POT1: variants seen among roughly 807,000 people sequenced by gnomAD.
POT1 encodes protection of telomeres protein 1.
In POT1, 47 loss-of-function variants were observed where a neutral mutation model predicts 78.5. The ratio of observed to expected loss-of-function variants is 0.60; its 90% confidence interval spans 0.47 to 0.76. The LOEUF (loss-of-function observed/expected upper bound fraction) is 0.76. Ranked by LOEUF, POT1 falls within the 30% of genes least tolerant of loss-of-function variation. POT1 has a pLI of 0.00. For missense variants in POT1, 646 were observed against 749.9 expected (o/e 0.86, Z 1.62); for synonymous variants, 259 against 260.7 (o/e 0.99, Z 0.06).
At chr7:124,864,717 T>C (rs1795679338) in intron 7 of POT1, among the ~76,000 whole-genome samples, 1 of 152,198 alleles carries the variant, frequency 6.6e-6, no homozygotes, top group African/African-American at 2.4e-5. Flanking sequence ...ATCTTTTCAA[T>C]GGTAGAATTC....
At chr7:124,836,290 C>T (rs1404538229) in intron 14 of POT1, among the ~76,000 whole-genome samples, 2 of 152,170 alleles carry the variant, frequency 1.3e-5, no homozygotes, top group Non-Finnish European at 2.9e-5. Context: ...TTGGCAAGAA[C>T]GGTGAGCTCT....
At chr7:124,852,908 A>G in intron 10 of POT1, 64 bp downstream of exon 10, 1 of 1,450,372 alleles carries the variant, frequency 6.9e-7, no homozygotes, top group South Asian at 1.3e-5. Context: ...CCCAGGAACA[A>G]TATTATCTTA....
rs186191424 is a variant in POT1, at chr7:124,905,709, A to C, written c.-153-7335T>G. Among the ~76,000 whole-genome samples the C allele has an allele frequency of 5.3e-4, 80 of 152,286 alleles. 1 individual carries two copies. Among genetic ancestry groups the C allele is most frequent in the Middle Eastern group, 3.4e-3 (1 of 294 alleles). On this transcript the variant is annotated intron_variant, in intron 3 of 18. Coordinates refer to ENST00000357628, the MANE Select transcript of POT1 (RefSeq NM_015450.3). ...TCAGAGTCAACAGGCCACCTACAGAATGGGAGAATATTTTTGCAATCTACT... is the reference window on the plus strand; with the variant it reads ...TCAGAGTCAACAGGCCACCTACAGACTGGGAGAATATTTTTGCAATCTACT...
At chr7:124,873,856 G>T (rs1303599188) in intron 6 of POT1, among the ~76,000 whole-genome samples, 1 of 152,024 alleles carries the variant, frequency 6.6e-6, no homozygotes, top group Non-Finnish European at 1.5e-5. Flanking sequence ...CAGGAAAATG[G>T]AAGGTAAGTG....
chr7:124,839,392 G>A (rs1281567819), intron 14 of POT1, among the ~76,000 whole-genome samples: 1 of 152,128 alleles, frequency 6.6e-6, no homozygotes, highest in Non-Finnish European at 1.5e-5. Flanking sequence ...GTAAACTATG[G>A]TCACAATAAA....
At chr7:124,903,702 C>CA (rs1006885761) in intron 3 of POT1, among the ~76,000 whole-genome samples, 2 of 151,930 alleles carry the variant, frequency 1.3e-5, no homozygotes, top group Admixed American at 6.6e-5. Flanking sequence ...GATAGAGACA[C>CA]AAAAAACCCT....
At chr7:124,900,314 A>C (rs1373645881) in intron 3 of POT1, among the ~76,000 whole-genome samples, 1 of 152,082 alleles carries the variant, frequency 6.6e-6, no homozygotes, top group Non-Finnish European at 1.5e-5. Context: ...TCCCATCTGT[A>C]CATATCTGAC....
At chr7:124,875,301 T>C (rs960133463) in intron 6 of POT1, among the ~76,000 whole-genome samples, 8 of 152,142 alleles carry the variant, frequency 5.3e-5, no homozygotes, top group Non-Finnish European at 1.2e-4. Flanking sequence ...ATTTCATCAC[T>C]ATGCATTAAT....
At chr7:124,903,417 A>T (rs1390657854) in intron 3 of POT1, among the ~76,000 whole-genome samples, 1 of 152,226 alleles carries the variant, frequency 6.6e-6, no homozygotes, top group African/African-American at 2.4e-5. Context: ...CTGCTCCTGA[A>T]TGGACTACTG....
chr7:124,882,523 TATA>T (rs1796143258), intron 6 of POT1, among the ~76,000 whole-genome samples: 1 of 152,040 alleles, frequency 6.6e-6, no homozygotes, highest in African/African-American at 2.4e-5. Context: ...TATGTTATGA[TATA>T]ATAAATATTA....
At position 124,929,013 on chromosome 7, in the gene POT1, A is replaced by G. The variant is rs1412286021; in HGVS notation, c.-411-14T>C. 6.6e-6 allele frequency: 1 copy of G among 152,546 alleles called. No homozygotes were observed. Among genetic ancestry groups the G allele is most frequent in the Non-Finnish European group, 1.5e-5 (1 of 68,026 alleles). 9.4% of individuals were successfully genotyped at this position (152,546 alleles called of 1,614,324 possible). A position where few individuals can be genotyped will look rare whatever the true frequency, so the allele number is the denominator to read the frequency against. ...GACAACTTGCTGCTGAAAATACAAA[A>G]CCAGTGTTTTACCCAAAATGAAGTC... On this transcript the variant is annotated splice_polypyrimidine_tract_variant and intron_variant, in intron 1 of 18. Transcript: ENST00000357628.
intron 3 of POT1, among the ~76,000 whole-genome samples, 158 bp from the exon 4 acceptor site, chr7:124,898,532 C>T (rs1309391126): frequency 6.6e-6 from 1 of 151,896 alleles, no homozygotes; most frequent in Non-Finnish European, 1.5e-5. Flanking sequence ...TTGCTGAATA[C>T]ATTATTTAGA....
intron 13 of POT1, 110 bp from the exon 14 acceptor site, chr7:124,841,288 C>T: frequency 1.3e-6 from 1 of 777,358 alleles, no homozygotes. Context: ...GTAGATGAGT[C>T]AGTTACTTTT....
intron 3 of POT1, among the ~76,000 whole-genome samples, chr7:124,900,641 T>C (rs1796595797): frequency 6.6e-6 from 1 of 151,892 alleles, no homozygotes; most frequent in Non-Finnish European, 1.5e-5. Context: ...GGTCATCTCA[T>C]TAGGACTTGT....
At chr7:124,906,203 G>A (rs191022850) in intron 3 of POT1, among the ~76,000 whole-genome samples, 132 of 152,146 alleles carry the variant, frequency 8.7e-4, no homozygotes, top group African/African-American at 2.9e-3. Context: ...TGTTTAGTGC[G>A]CCACTATTCA....
chr7:124,827,506 G>A (rs1794660537), intron 16 of POT1, among the ~76,000 whole-genome samples: 1 of 152,158 alleles, frequency 6.6e-6, no homozygotes, highest in African/African-American at 2.4e-5. Flanking sequence ...GTCTGCTGAG[G>A]GATTGCCTGC....
chr7:124,901,163 A>G (rs1204513167), intron 3 of POT1, among the ~76,000 whole-genome samples: 6 of 152,224 alleles, frequency 3.9e-5, no homozygotes, highest in Non-Finnish European at 8.8e-5. Context: ...TTCTCCCAGC[A>G]TGGAGTATGA....
chr7:124,892,938 G>T (rs1796406643), intron 5 of POT1: 1 of 151,298 alleles, frequency 6.6e-6, no homozygotes, highest in Non-Finnish European at 1.5e-5. Flanking sequence ...TTTATTAAAG[G>T]TAAATGACTA....
At chr7:124,850,756 A>G (rs1795286861) in intron 11 of POT1, among the ~76,000 whole-genome samples, 1 of 151,882 alleles carries the variant, frequency 6.6e-6, no homozygotes, top group Non-Finnish European at 1.5e-5. Flanking sequence ...CAAACAAACA[A>G]ACAAACAAAA....
Sources: allele counts gnomAD v4.1 joint callset (sites outside exome capture counted in the v4.1 genomes callset), GRCh38; gene constraint gnomAD v4.1.1; transcripts MANE v1.5; gene names NCBI Gene and HGNC (gene_info 2026-07-23, HGNC 2026-07-21).